The following CCDC172 variants were observed in gnomAD, a reference collection of about 807,000 sequenced individuals.
The protein encoded by CCDC172 is coiled-coil domain-containing protein 172.
Under a neutral mutation model 38.0 loss-of-function variants are expected in CCDC172, and 30 were observed. The ratio of observed to expected loss-of-function variants is 0.79; its 90% CI spans 0.59 to 1.07. The LOEUF (loss-of-function observed/expected upper bound fraction) is 1.07, where lower values mean the gene tolerates loss of function less well. Ranked by LOEUF, CCDC172 falls within the 50% of genes least tolerant of loss-of-function variation. The pLI, the probability that CCDC172 is intolerant of heterozygous loss-of-function variation, is 0.00. For synonymous variants in CCDC172, 78 were observed against 88.3 expected (o/e 0.88, Z 0.66); for missense variants, 297 against 290.1 (o/e 1.02, Z -0.17).
intron 3 of CCDC172, 83 bp downstream of exon 3, chr10:116,325,471 C>A: frequency 1.9e-6 from 2 of 1,061,782 alleles, no homozygotes; most frequent in Non-Finnish European, 2.8e-6. Context: ...AGTGTTTAAC[C>A]AGTTGTCCTT....
intron 5 of CCDC172, among the ~76,000 whole-genome samples, chr10:116,353,312 T>C (rs1479084184): frequency 1.3e-5 from 2 of 152,052 alleles, no homozygotes; most frequent in African/African-American, 4.8e-5. Flanking sequence ...AAAATACGGG[T>C]GTAACTCTTC....
At chr10:116,374,500 A>G (rs983344765) in intron 7 of CCDC172, among the ~76,000 whole-genome samples, 4 of 151,948 alleles carry the variant, frequency 2.6e-5, no homozygotes, top group Non-Finnish European at 5.9e-5. Context: ...GTATATATAT[A>G]TATAGGAAAA....
intron 3 of CCDC172, 123 bp downstream of exon 3, chr10:116,325,511 C>CTG: frequency 1.4e-6 from 1 of 695,782 alleles, no homozygotes; most frequent in Non-Finnish European, 2.4e-6. Context: ...TCTGTGCTGG[C>CTG]TGTTTTAGTT....
Position 116,357,463 on chromosome 10 carries a change from C to T in CCDC172, c.532C>T (p.Leu178Phe). The change falls in exon 6 of 9, where the codon CTC becomes TTC. Residue 178 changes from leucine (L) to phenylalanine (F), a missense_variant. Leu to Phe is a conservative substitution (Grantham distance 22, BLOSUM62 0). Coordinates refer to ENST00000333254, the MANE Select transcript of CCDC172 (RefSeq NM_198515.3). ...TGAATTGATACAAGAATTATTTACTCTCCAAAGAAAACTTAAAGGTATTAC... is the reference window on the plus strand; with the variant it reads ...TGAATTGATACAAGAATTATTTACTTTCCAAAGAAAACTTAAAGGTATTAC... ...KSELIQELFTLQRKLKVFEDE... is the reference protein window; with the variant it reads ...KSELIQELFTFQRKLKVFEDE... 2 of 1,571,030 alleles carry T rather than the reference C, an allele frequency of 1.3e-6. No homozygotes were observed. Among genetic ancestry groups the T allele is most frequent in the African/African-American group, 1.4e-5 (1 of 72,382 alleles).
At chr10:116,348,192 G>C (rs1388669093) in intron 5 of CCDC172, among the ~76,000 whole-genome samples, 1 of 151,912 alleles carries the variant, frequency 6.6e-6, no homozygotes, top group Non-Finnish European at 1.5e-5. Context: ...TCTTGGTGGT[G>C]GTGGTGGTGG....
chr10:116,346,291 C>CAAAA (rs562182925), intron 5 of CCDC172, among the ~76,000 whole-genome samples: 3 of 79,976 alleles, frequency 3.8e-5, no homozygotes, highest in East Asian at 3.4e-4. Flanking sequence ...GACTTCGTCT[C>CAAAA]AAAAAAAAAA....
In CCDC172 at chr10:116,342,208, A is replaced by C; in HGVS notation, c.448+7A>C. The stretch of plus-strand genomic sequence containing the variant: ...GCAAACATGTTGAAAAGTGGTATGA[A>C]TAAATATCACCTCATTTGTCTTGCA... On this transcript the variant is annotated splice_region_variant and intron_variant, in intron 5 of 8. Coordinates refer to ENST00000333254, the MANE Select transcript of CCDC172 (RefSeq NM_198515.3). 1 of 1,519,802 alleles carries C rather than the reference A, an allele frequency of 6.6e-7. No homozygotes were observed. Among genetic ancestry groups the C allele is most frequent in the Non-Finnish European group, 8.7e-7 (1 of 1,145,084 alleles). The allele number at this position is 1,519,802 out of a possible 1,614,324, so 94.1% of individuals were successfully genotyped here. A position where few individuals can be genotyped will look rare whatever the true frequency, so the allele number is the denominator to read the frequency against.
At chr10:116,344,648 C>T (rs1230586380) in intron 5 of CCDC172, among the ~76,000 whole-genome samples, 1 of 152,092 alleles carries the variant, frequency 6.6e-6, no homozygotes, top group Non-Finnish European at 1.5e-5. Flanking sequence ...ATTTAGGCTA[C>T]ACTAAGTTTG....
At chr10:116,347,080 G>C (rs1844876827) in intron 5 of CCDC172, among the ~76,000 whole-genome samples, 1 of 150,072 alleles carries the variant, frequency 6.7e-6, no homozygotes, top group Non-Finnish European at 1.5e-5. Context: ...ATGTCAATTA[G>C]ATAGTTGTAA....
chr10:116,331,970 A>G (rs1340839472), intron 3 of CCDC172, among the ~76,000 whole-genome samples: 1 of 152,122 alleles, frequency 6.6e-6, no homozygotes, highest in African/African-American at 2.4e-5. Flanking sequence ...TCACTTATAC[A>G]CTGCATCTCT....
chr10:116,332,213 T>G (rs2134906496), intron 3 of CCDC172, among the ~76,000 whole-genome samples: 1 of 152,294 alleles, frequency 6.6e-6, no homozygotes, highest in South Asian at 2.1e-4. Flanking sequence ...TGCATGAAGA[T>G]TTCCCTCCTC....
intron 5 of CCDC172, among the ~76,000 whole-genome samples, chr10:116,347,031 G>A (rs533383821): frequency 6.6e-6 from 1 of 152,284 alleles, no homozygotes; most frequent in South Asian, 2.1e-4. Flanking sequence ...GAGGTCTGAA[G>A]AATGATACTG....
intron 7 of CCDC172, among the ~76,000 whole-genome samples, chr10:116,365,122 T>C (rs1171189151): frequency 6.6e-6 from 1 of 152,146 alleles, no homozygotes; most frequent in African/African-American, 2.4e-5. Flanking sequence ...GAGATCTACT[T>C]ACCATTATAT....
chr10:116,342,260 A>T (rs1844805552), intron 5 of CCDC172, 59 bp downstream of exon 5: 1 of 1,456,188 alleles, frequency 6.9e-7, no homozygotes. Context: ...ATTTTGAATG[A>T]ATGAATTTTC....
rs142456032 is a variant in CCDC172, at chr10:116,372,544, T to C, written c.654-5879T>C. On this transcript the variant is annotated intron_variant, in intron 7 of 8. Transcript: ENST00000333254. Reference sequence around the variant, plus strand: ...ATGTCGTACAAATGGAATAATATGCTATGTATCCTCTTCGGTCTGGCTTTT... The same window carrying C: ...ATGTCGTACAAATGGAATAATATGCCATGTATCCTCTTCGGTCTGGCTTTT... Among the ~76,000 whole-genome samples, 151 of 152,246 alleles carry C rather than the reference T, an allele frequency of 9.9e-4. 1 individual carries two copies. The East Asian group carries it at 0.022, about 22-fold the overall frequency.
rs752939783 is a variant in CCDC172, at chr10:116,325,004, GCCCTGAGATGAGCTTGGAGT to G, written c.-2_18del. ...GCGAGAAAAGGATCGCAGGAGCCAG[GCCCTGAGATGAGCTTGGAGT>G]CCCTGTTTCAGCACATCATCTTCAC... On this transcript the variant is annotated start_lost and 5_prime_UTR_variant, in exon 2 of 9. Transcript: ENST00000333254. The G allele has an allele frequency of 6.2e-7, 1 of 1,611,950 alleles. No homozygotes were observed. The highest frequency in any genetic ancestry group is 1.1e-5 in the South Asian group (1 of 91,038).
rs1307658355 is a variant in CCDC172 at position 116,324,930 on chromosome 10, T to C, written c.-65-17T>C. On this transcript the variant is annotated splice_polypyrimidine_tract_variant and intron_variant, in intron 1 of 8. Transcript: ENST00000333254. ...AATGGTTCTAGAAGAATCCATCTTC[T>C]TTATTCTGCTTTCCAGGATCCTCAG... 1 of 1,151,754 alleles carries C rather than the reference T, an allele frequency of 8.7e-7. No individual in the cohort carries two copies. The highest frequency in any genetic ancestry group is 1.5e-5 in the African/African-American group (1 of 65,846). 71.3% of individuals were successfully genotyped at this position (1,151,754 alleles called of 1,614,324 possible).
At chr10:116,332,982 T>C (rs1844684163) in intron 3 of CCDC172, among the ~76,000 whole-genome samples, 2 of 152,158 alleles carry the variant, frequency 1.3e-5, no homozygotes, top group Non-Finnish European at 2.9e-5. Context: ...GTCTTCTCTT[T>C]TTTAACACTC....
At chr10:116,357,964 C>A (rs777743924) in intron 7 of CCDC172, 26 bp downstream of exon 7, 2 of 1,281,910 alleles carry the variant, frequency 1.6e-6, no homozygotes, top group South Asian at 1.3e-5. Flanking sequence ...TATATTTTGG[C>A]CTAAATCAGG....
Sources: allele counts gnomAD v4.1 joint callset (sites outside exome capture counted in the v4.1 genomes callset), GRCh38; gene constraint gnomAD v4.1.1; transcripts MANE v1.5; gene names NCBI Gene and HGNC (gene_info 2026-07-23, HGNC 2026-07-21).